The following HDAC4 variants were observed in gnomAD, a reference collection of about 807,000 sequenced individuals.
HDAC4 encodes the protein histone deacetylase 4.
In HDAC4, 16 loss-of-function variants were observed where a neutral mutation model predicts 135.1. The observed-to-expected ratio is 0.12, with a 90% CI of 0.08 to 0.18. The LOEUF (loss-of-function observed/expected upper bound fraction) is 0.18. Ranked by LOEUF, HDAC4 falls within the 10% of genes least tolerant of loss-of-function variation. The pLI is 1.00. For synonymous variants in HDAC4, 685 were observed against 653.4 expected, an observed-to-expected ratio of 1.05 and a Z score of -0.74; for missense variants, 1,143 against 1,511.8, an observed-to-expected ratio of 0.76 and a Z score of 4.05.
intron 8 of HDAC4, among the ~76,000 whole-genome samples, chr2:239,143,384 G>A (rs913057867): frequency 6.6e-6 from 1 of 152,158 alleles, no homozygotes; most frequent in Non-Finnish European, 1.5e-5. Context: ...ATGATTCCTC[G>A]TTTCAACTGA....
intron 2 of HDAC4, among the ~76,000 whole-genome samples, chr2:239,260,288 C>T (rs764300577): frequency 1.3e-4 from 20 of 152,304 alleles, no homozygotes; most frequent in East Asian, 1.9e-4. Flanking sequence ...TGAACCCAGA[C>T]GTGCAATTCA....
intron 8 of HDAC4, among the ~76,000 whole-genome samples, chr2:239,140,483 C>T (rs1319550102): frequency 2.0e-5 from 3 of 152,204 alleles, no homozygotes; most frequent in African/African-American, 4.8e-5. Flanking sequence ...TGGGCACACA[C>T]ATCCACCGTG....
intron 22 of HDAC4, among the ~76,000 whole-genome samples, chr2:239,073,037 G>A (rs756514834): frequency 4.6e-5 from 7 of 152,202 alleles, no homozygotes; most frequent in African/African-American, 9.6e-5. Context: ...AAGCTCAGAC[G>A]GGAGAAGAGT....
At chr2:239,153,923 G>A (rs897382859) in intron 7 of HDAC4, among the ~76,000 whole-genome samples, 6 of 152,242 alleles carry the variant, frequency 3.9e-5, no homozygotes, top group Non-Finnish European at 7.3e-5. Context: ...GGGCAGGGCC[G>A]TGACAGTGTG....
chr2:239,137,272 C>T (rs539101840), intron 9 of HDAC4, among the ~76,000 whole-genome samples: 2 of 152,364 alleles, frequency 1.3e-5, no homozygotes, highest in Admixed American at 1.3e-4. Context: ...GACCGCATCT[C>T]AGCATGTGCT....
intron 17 of HDAC4, chr2:239,094,303 A>G: frequency 1.0e-6 from 1 of 985,450 alleles, no homozygotes; most frequent in Non-Finnish European, 1.2e-6. Context: ...TTTGTTATTG[A>G]GAAGTTTGAT....
In HDAC4 at chr2:239,245,971, G is replaced by A. The variant is rs1362300285; in HGVS notation, c.23-9307C>T. 1.3e-5 allele frequency among the ~76,000 whole-genome samples: 2 copies of A among 152,272 alleles called. No homozygotes were observed. Among genetic ancestry groups the A allele is most frequent in the South Asian group, 2.1e-4 (1 of 4,820 alleles). ...GTGAGCAACGCAGAGGCCTGGCCCC[G>A]GCCCAGCAGAACCGGCAACCCACAC... is the stretch of plus-strand genomic sequence containing the variant. On this transcript the variant is annotated intron_variant, in intron 2 of 26. Coordinates refer to ENST00000543185, the MANE Select transcript of HDAC4 (RefSeq NM_001378414.1). The surrounding 1 kb of genome is among the most constrained non-coding windows in gnomAD (Gnocchi z 4.4).
At chr2:239,342,748 G>A (rs1692369432) in intron 2 of HDAC4, among the ~76,000 whole-genome samples, 1 of 152,158 alleles carries the variant, frequency 6.6e-6, no homozygotes, top group South Asian at 2.1e-4. Flanking sequence ...TGAGGGCTGA[G>A]GGAGATGAGG....
chr2:239,298,252 C>A (rs1362898484), intron 2 of HDAC4: 1 of 1,287,028 alleles, frequency 7.8e-7, no homozygotes. Flanking sequence ...CAAATCCAGG[C>A]TTGACGACAG....
In HDAC4 at chr2:239,179,047, T is replaced by C. The variant is rs1351298396; in HGVS notation, c.340-2484A>G. The stretch of plus-strand genomic sequence containing the variant: ...AGGCAGCCACCGGACGCCTGAGGCA[T>C]AGAGTGGGGTGTGCGTGCGAGGCAG... On this transcript the variant is annotated intron_variant, in intron 4 of 26. Transcript: ENST00000543185. Among the ~76,000 whole-genome samples, 3 of 148,028 alleles carry C rather than the reference T, an allele frequency of 2.0e-5. 1 individual carries two copies. Among genetic ancestry groups the C allele is most frequent in the African/African-American group, 7.6e-5 (3 of 39,710 alleles).
rs1040076986 is a variant in HDAC4, at chr2:239,239,714, A to T, written c.23-3050T>A. ...TGGCTAGTCTCATAACAACCTGTAC[A>T]TTCAAACCCCCAACACTGCCATGTT... On this transcript the variant is annotated intron_variant, in intron 2 of 26. Transcript: ENST00000543185. 1.1e-4 allele frequency among the ~76,000 whole-genome samples: 16 copies of T among 152,170 alleles called. 1 individual carries two copies. Among genetic ancestry groups the T allele is most frequent in the African/African-American group, 3.1e-4 (13 of 41,442 alleles).
In HDAC4 at chr2:239,280,788, GAACACACCACTC is replaced by G. The variant is rs1370506926; in HGVS notation, c.23-44136_23-44125del. On this transcript the variant is annotated intron_variant, in intron 2 of 26. Coordinates refer to ENST00000543185, the MANE Select transcript of HDAC4 (RefSeq NM_001378414.1). ...CACAATGTACACACCACTCTACAATGAACACACCACTCTACACACAATGTACACACCACTCTA... is the reference window on the plus strand; with the variant it reads ...CACAATGTACACACCACTCTACAATGTACACACAATGTACACACCACTCTA... Among the ~76,000 whole-genome samples the G allele has an allele frequency of 8.7e-4, 131 of 151,094 alleles. 1 individual carries two copies. The highest frequency in any genetic ancestry group is 3.0e-3 in the African/African-American group (124 of 40,992).
chr2:239,136,763 G>A (rs1459602161), intron 9 of HDAC4, among the ~76,000 whole-genome samples: 1 of 152,196 alleles, frequency 6.6e-6, no homozygotes, highest in East Asian at 1.9e-4. Flanking sequence ...CATATGACTG[G>A]CCATTGGGGA....
intron 4 of HDAC4, among the ~76,000 whole-genome samples, chr2:239,182,202 G>A (rs114914810): frequency 2.0e-5 from 3 of 152,246 alleles, no homozygotes; most frequent in Non-Finnish European, 4.4e-5. Flanking sequence ...ACAGGGCTTC[G>A]GGGTGCTTCT....
At chr2:239,218,544 G>C (rs2046770965) in intron 3 of HDAC4, among the ~76,000 whole-genome samples, 1 of 150,826 alleles carries the variant, frequency 6.6e-6, no homozygotes, top group Non-Finnish European at 1.5e-5. Context: ...ATACCATTCA[G>C]GACATAGGCA....
intron 17 of HDAC4, among the ~76,000 whole-genome samples, chr2:239,090,985 C>T (rs182718665): frequency 6.6e-5 from 10 of 152,362 alleles, no homozygotes; most frequent in African/African-American, 2.2e-4. Flanking sequence ...GCCGTGTGGG[C>T]GGGTGAGGAG....
rs963158317 is a variant in HDAC4, at chr2:239,090,131, C to A, written c.2281-15G>T. 9 of 1,583,020 alleles carry A rather than the reference C, an allele frequency of 5.7e-6. No individual in the cohort carries two copies. Among genetic ancestry groups the A allele is most frequent in the Non-Finnish European group, 7.8e-6 (9 of 1,152,086 alleles). On this transcript the variant is annotated splice_polypyrimidine_tract_variant and intron_variant, in intron 17 of 26. Coordinates refer to ENST00000543185, the MANE Select transcript of HDAC4 (RefSeq NM_001378414.1). ...TCACTGTCCACCTGTGGAAACAACA[C>A]CCCACAGTGAGGTCACCCTCCCAGG...
At chr2:239,071,436 C>T (rs750605122) in intron 22 of HDAC4, among the ~76,000 whole-genome samples, 10 of 152,068 alleles carry the variant, frequency 6.6e-5, no homozygotes, top group Non-Finnish European at 1.2e-4. Context: ...AAAAGACTCT[C>T]GGGGGAAACT....
intron 4 of HDAC4, among the ~76,000 whole-genome samples, chr2:239,179,626 G>C (rs541934548): frequency 6.6e-6 from 1 of 152,198 alleles, no homozygotes; most frequent in African/African-American, 2.4e-5. Flanking sequence ...ACCGATTGCC[G>C]CTCTACAACA....
Sources: gnomAD v4.1 joint callset for allele counts (sites outside exome capture counted in the v4.1 genomes callset) on GRCh38, gnomAD v4.1.1 for gene constraint, Gnocchi (gnomAD v3.1) non-coding constraint, MANE v1.5 for transcripts, NCBI Gene and HGNC (gene_info 2026-07-23, HGNC 2026-07-21) for gene names.